The following TNRC6B variants were observed in gnomAD, a reference collection of about 807,000 sequenced individuals.
The protein encoded by TNRC6B is trinucleotide repeat-containing gene 6B protein.
Under a neutral mutation model 203.6 loss-of-function variants are expected in TNRC6B, and 52 were observed. That is an observed-to-expected ratio of 0.26 (90% CI 0.20 to 0.32). The LOEUF (loss-of-function observed/expected upper bound fraction) is 0.32. Among genes scored for constraint, TNRC6B ranks in the 10% least tolerant of loss-of-function variants. The pLI, the probability that TNRC6B is intolerant of heterozygous loss-of-function variation, is 1.00. For missense variants in TNRC6B, 1,923 were observed against 2,286.2 expected, an observed-to-expected ratio of 0.84 and a Z score of 3.24; for synonymous variants, 838 against 845.7, an observed-to-expected ratio of 0.99 and a Z score of 0.16.
In TNRC6B at chr22:40,265,772, G is replaced by A. The variant is rs1394724373; in HGVS notation, c.1542G>A (p.Pro514=). The A allele has an allele frequency of 8.1e-6, 13 of 1,613,942 alleles. No individual in the cohort carries two copies. The highest frequency in any genetic ancestry group is 2.2e-5 in the East Asian group (1 of 44,878). Residue 514 remains proline, a synonymous_variant, in exon 5 of 23, where the codon CCG becomes CCA. Transcript: ENST00000454349. ...SGVSQGEWKQ[P]TGSDELKIGE... is the part of the protein sequence containing the mutation. ...TCTCTCAGGGAGAATGGAAACAGCC[G>A]ACTGGGTCTGATGAGTTGAAAATTG...
At chr22:40,314,583 T>G (rs1433841146) in intron 19 of TNRC6B, among the ~76,000 whole-genome samples, 1 of 152,224 alleles carries the variant, frequency 6.6e-6, no homozygotes, top group Non-Finnish European at 1.5e-5. Context: ...TGTAAATCCT[T>G]CAAGAGCTGT....
intron 4 of TNRC6B, among the ~76,000 whole-genome samples, chr22:40,262,721 T>TAGCCTTTC (rs2070405621): frequency 3.3e-5 from 5 of 152,210 alleles, no homozygotes; most frequent in Non-Finnish European, 7.3e-5. Context: ...AAGGGATATT[T>TAGCCTTTC]AGCTGAAAGG....
At chr22:40,198,860 G>A (rs2069373678) in intron 1 of TNRC6B, among the ~76,000 whole-genome samples, 1 of 152,108 alleles carries the variant, frequency 6.6e-6, no homozygotes, top group African/African-American at 2.4e-5. Flanking sequence ...GTAGTAGAGG[G>A]GGAGGGTGCC....
At chr22:40,057,379 C>T (rs2067808864) in intron 1 of TNRC6B, among the ~76,000 whole-genome samples, 2 of 150,916 alleles carry the variant, frequency 1.3e-5, no homozygotes, top group African/African-American at 4.9e-5. Flanking sequence ...TCGCAACCTC[C>T]GCCTCCTGGG....
chr22:40,237,191 C>T (rs775522881), intron 1 of TNRC6B, among the ~76,000 whole-genome samples: 10 of 152,138 alleles, frequency 6.6e-5, no homozygotes, highest in African/African-American at 9.7e-5. Flanking sequence ...CCTGGATTAT[C>T]ACAAGCTTGA....
chr22:40,102,658 C>A (rs547359865), intron 1 of TNRC6B, among the ~76,000 whole-genome samples: 2 of 152,096 alleles, frequency 1.3e-5, no homozygotes, highest in East Asian at 3.9e-4. Flanking sequence ...AGTAAATTGC[C>A]CAGTTGTGGT....
Position 40,301,238 on chromosome 22 carries a change from G to A in TNRC6B, c.4025G>A (p.Gly1342Glu). Residue 1342 changes from glycine (G) to glutamate (E), a missense_variant, in exon 15 of 23, where the codon GGG (glycine) becomes GAG (glutamate). Gly to Glu is a moderately conservative substitution (Grantham distance 98). This residue lies in a region of TNRC6B where 242 missense variants were observed against 399.5 expected (regional missense o/e 0.61). Transcript: ENST00000454349. ...GMKHSPSHPV[G>E]PKPHLDNMVP... ...AAGCACTCGCCCTCTCATCCTGTTG[G>A]GCCCAAGCCGCATCTGGACAACATG... 1 of 1,563,262 alleles carries A rather than the reference G, an allele frequency of 6.4e-7. No individual in the cohort carries two copies. Among genetic ancestry groups the A allele is most frequent in the Non-Finnish European group, 8.7e-7 (1 of 1,152,872 alleles).
chr22:40,147,680 G>A (rs1170359566), intron 3 of TNRC6B, among the ~76,000 whole-genome samples: 1 of 152,144 alleles, frequency 6.6e-6, no homozygotes, highest in Non-Finnish European at 1.5e-5. Flanking sequence ...CTTCCAGAAG[G>A]CCCCACCTCC....
chr22:40,084,467 A>G (rs1340770142), intron 1 of TNRC6B, among the ~76,000 whole-genome samples: 2 of 152,182 alleles, frequency 1.3e-5, no homozygotes, highest in Non-Finnish European at 2.9e-5. Context: ...AACCGTAGTG[A>G]CTAATTGTGC....
chr22:40,082,455 GGAAGAATGGATAGATGAT>G (rs1396948616), intron 1 of TNRC6B, among the ~76,000 whole-genome samples: 8 of 152,280 alleles, frequency 5.3e-5, no homozygotes, highest in Non-Finnish European at 1.0e-4. Context: ...ATTAGAGTGA[GGAAGAATGGATAGATGAT>G]GTTGGAGAGC....
chr22:40,130,789 A>C (rs2068535869), intron 3 of TNRC6B, among the ~76,000 whole-genome samples: 1 of 151,516 alleles, frequency 6.6e-6, no homozygotes, highest in African/African-American at 2.4e-5. Flanking sequence ...TAAAAAAAAA[A>C]AAAAAAAAAA....
intron 1 of TNRC6B, among the ~76,000 whole-genome samples, chr22:40,072,951 A>C (rs1362144546): frequency 6.6e-6 from 1 of 151,188 alleles, no homozygotes; most frequent in African/African-American, 2.4e-5. Context: ...ATCAGAAATC[A>C]CTTTTGCTTG....
intron 1 of TNRC6B, among the ~76,000 whole-genome samples, chr22:40,083,475 A>G (rs1439488838): frequency 6.6e-6 from 1 of 152,204 alleles, no homozygotes; most frequent in East Asian, 1.9e-4. Context: ...GAAAGATAGC[A>G]GGTTCTTAAT....
chr22:40,188,263 C>T (rs1395334737), intron 1 of TNRC6B, among the ~76,000 whole-genome samples: 2 of 152,098 alleles, frequency 1.3e-5, no homozygotes, highest in African/African-American at 4.8e-5. Flanking sequence ...TGGAATCAAA[C>T]CTTGTTCACA....
At chr22:40,246,253 G>GCA in intron 2 of TNRC6B, 151 bp downstream of exon 2, 2 of 509,862 alleles carry the variant, frequency 3.9e-6, no homozygotes, top group Non-Finnish European at 6.7e-6. Flanking sequence ...GCAGTGGCGT[G>GCA]ATCTTGGCTC....
In TNRC6B at chr22:40,132,957, A is replaced by T. The variant is rs865808002; in HGVS notation, c.45+7095A>T. Among the ~76,000 whole-genome samples the T allele has an allele frequency of 9.2e-4, 80 of 86,660 alleles. 1 individual carries two copies. Among genetic ancestry groups the T allele is most frequent in the African/African-American group, 1.9e-3 (47 of 25,328 alleles). 56.9% of individuals were successfully genotyped at this position (86,660 alleles called of 152,430 possible). On this transcript the variant is annotated intron_variant, in intron 3 of 23. Coordinates refer to the TNRC6B transcript ENST00000301923. Reference sequence around the variant, plus strand: ...AGACTCTGTCTCAAAAAAAAAAAAAAAAAAAAAAAAAAATATATATATATA... The same window carrying T: ...AGACTCTGTCTCAAAAAAAAAAAAATAAAAAAAAAAAAATATATATATATA...
At chr22:40,073,800 G>T (rs1353823110) in intron 1 of TNRC6B, among the ~76,000 whole-genome samples, 2 of 152,126 alleles carry the variant, frequency 1.3e-5, no homozygotes, top group Non-Finnish European at 2.9e-5. Flanking sequence ...GCTCATGCCT[G>T]TAATCCCAGC....
At chr22:40,209,400 T>A (rs1478620902) in intron 1 of TNRC6B, among the ~76,000 whole-genome samples, 4 of 152,186 alleles carry the variant, frequency 2.6e-5, no homozygotes, top group African/African-American at 9.7e-5. Flanking sequence ...AACCTTTATC[T>A]CACCATAAGA....
intron 4 of TNRC6B, among the ~76,000 whole-genome samples, chr22:40,167,510 G>A (rs1269867125): frequency 6.6e-6 from 1 of 152,074 alleles, no homozygotes; most frequent in Non-Finnish European, 1.5e-5. Flanking sequence ...CTGTTGCACA[G>A]CAGAGTGAAT....
Sources: allele counts gnomAD v4.1 joint callset (sites outside exome capture counted in the v4.1 genomes callset), GRCh38; gene constraint gnomAD v4.1.1; regional missense constraint gnomAD v4.1.1; transcripts MANE v1.5; gene names NCBI Gene and HGNC (gene_info 2026-07-23, HGNC 2026-07-21).